Variants in KHDRBS2 observed in about 807,000 individuals in gnomAD.
KHDRBS2 encodes the protein KH RNA binding domain containing, signal transduction associated 2.
A neutral mutation model predicts 44.3 loss-of-function variants in KHDRBS2; 26 were observed. The observed-to-expected ratio is 0.59, with a 90% confidence interval of 0.43 to 0.81. KHDRBS2 has a LOEUF of 0.81. Among genes scored for constraint, KHDRBS2 ranks in the 40% least tolerant of loss-of-function variants. The probability of loss-of-function intolerance (pLI) is 0.00; values close to 1 mark genes in which losing one functional copy is unlikely to be tolerated. For missense variants in KHDRBS2, 476 were observed against 433.1 expected (o/e 1.10, Z -0.88); for synonymous variants, 194 against 151.1 (o/e 1.28, Z -2.08).
At chr6:61,788,033 C>T (rs184248858) in intron 6 of KHDRBS2, among the ~76,000 whole-genome samples, 5 of 151,650 alleles carry the variant, frequency 3.3e-5, no homozygotes, top group African/African-American at 1.2e-4. Context: ...AAATTGAATT[C>T]ATACATTTGT....
At chr6:61,594,189 TAA>T in the KHDRBS2 span, among the ~76,000 whole-genome samples, 1 of 151,848 alleles carries the variant, frequency 6.6e-6, no homozygotes, top group Non-Finnish European at 1.5e-5. Context: ...TTGCATAAAA[TAA>T]AAAAGTTTTC....
chr6:61,938,226 C>T (rs187814818), intron 4 of KHDRBS2, among the ~76,000 whole-genome samples: 7 of 152,140 alleles, frequency 4.6e-5, no homozygotes, highest in Non-Finnish European at 8.8e-5. Flanking sequence ...AATGTGCTAA[C>T]ATAAGATCAG....
At chr6:61,959,048 A>T (rs763111699) in intron 4 of KHDRBS2, among the ~76,000 whole-genome samples, 3 of 152,172 alleles carry the variant, frequency 2.0e-5, no homozygotes, top group African/African-American at 4.8e-5. Context: ...CTGTTCTTCA[A>T]ATGTTTTTGT....
chr6:61,896,307 C>G (rs895239985), intron 5 of KHDRBS2, among the ~76,000 whole-genome samples: 1 of 152,090 alleles, frequency 6.6e-6, no homozygotes, highest in African/African-American at 2.4e-5. Flanking sequence ...ATATGGTCAC[C>G]CTACTCTATT....
At chr6:62,047,768 G>A (rs764186693) in intron 3 of KHDRBS2, 110 bp downstream of exon 3, 1 of 712,312 alleles carries the variant, frequency 1.4e-6, no homozygotes, top group Non-Finnish European at 2.5e-6. Flanking sequence ...CCAGGAAATG[G>A]AAATCATAGG....
At chr6:61,794,903 C>T (rs1785095919) in intron 6 of KHDRBS2, among the ~76,000 whole-genome samples, 1 of 151,914 alleles carries the variant, frequency 6.6e-6, no homozygotes, top group Non-Finnish European at 1.5e-5. Flanking sequence ...CTTTGGAACG[C>T]CAAGGCAGGA....
At chr6:61,773,019 T>A (rs533520635) in intron 6 of KHDRBS2, among the ~76,000 whole-genome samples, 1 of 152,236 alleles carries the variant, frequency 6.6e-6, no homozygotes, top group Non-Finnish European at 1.5e-5. Context: ...ATGTGCCACA[T>A]TTTCTTCATC....
chr6:61,805,868 C>T (rs564093308), intron 6 of KHDRBS2, among the ~76,000 whole-genome samples: 25 of 152,100 alleles, frequency 1.6e-4, no homozygotes, highest in South Asian at 2.1e-4. Context: ...AGATTTGGTA[C>T]GGACACAGAG....
intron 1 of KHDRBS2, among the ~76,000 whole-genome samples, chr6:62,239,393 T>G (rs1277266075): frequency 6.6e-6 from 1 of 152,016 alleles, no homozygotes; most frequent in Middle Eastern, 3.2e-3. Flanking sequence ...GCCAACATGG[T>G]GAAACCCTGT....
At chr6:61,732,916 C>T in intron 6 of KHDRBS2, 152 bp from the exon 7 acceptor site, 1 of 590,640 alleles carries the variant, frequency 1.7e-6, no homozygotes, top group Non-Finnish European at 3.0e-6. Flanking sequence ...TAATGATTCT[C>T]ACATAAACTT....
chr6:61,573,256 A>G, the KHDRBS2 span, among the ~76,000 whole-genome samples: 1 of 152,194 alleles, frequency 6.6e-6, no homozygotes, highest in Non-Finnish European at 1.5e-5. Context: ...GAATATACTT[A>G]ACTAAGGAAG....
Position 62,071,277 on chromosome 6 carries a change from C to T in KHDRBS2, c.220-23283G>A, listed in dbSNP as rs541768421. Among the ~76,000 whole-genome samples, 194 of 152,066 alleles carry T rather than the reference C, an allele frequency of 1.3e-3. 1 individual carries two copies. Among genetic ancestry groups the T allele is most frequent in the Non-Finnish European group, 1.9e-4 (13 of 67,986 alleles). On this transcript the variant is annotated intron_variant, in intron 2 of 8. Coordinates refer to ENST00000281156, the MANE Select transcript of KHDRBS2 (RefSeq NM_152688.4). The stretch of plus-strand genomic sequence containing the variant: ...ATGAGTAGATTGCAAAAATTTTCTC[C>T]CATTCTGTAGGTTGCCTGTTCACTC...
chr6:61,584,606 G>T, the KHDRBS2 span, among the ~76,000 whole-genome samples: 1 of 151,590 alleles, frequency 6.6e-6, no homozygotes, highest in Non-Finnish European at 1.5e-5. Flanking sequence ...TAAGGATTTA[G>T]GCATCTACAA....
chr6:61,631,528 G>A, the KHDRBS2 span, among the ~76,000 whole-genome samples: 8 of 152,150 alleles, frequency 5.3e-5, no homozygotes, highest in Admixed American at 3.9e-4. Flanking sequence ...GTTGAATTGC[G>A]ACAAGTAATT....
intron 3 of KHDRBS2, among the ~76,000 whole-genome samples, chr6:62,027,953 T>G (rs1783672244): frequency 6.6e-6 from 1 of 152,068 alleles, no homozygotes; most frequent in Non-Finnish European, 1.5e-5. Context: ...CCCGAGGAAG[T>G]CGTTGTAGGA....
At chr6:61,807,247 T>A (rs1787310113) in intron 6 of KHDRBS2, among the ~76,000 whole-genome samples, 2 of 152,210 alleles carry the variant, frequency 1.3e-5, no homozygotes, top group South Asian at 4.1e-4. Flanking sequence ...AGTTAAGCCA[T>A]CGTGGAAAGC....
intron 2 of KHDRBS2, among the ~76,000 whole-genome samples, chr6:62,077,437 A>G (rs759900647): frequency 1.3e-5 from 2 of 152,048 alleles, no homozygotes; most frequent in Non-Finnish European, 2.9e-5. Context: ...CAGGCTAGCC[A>G]ATACTCATAT....
intron 2 of KHDRBS2, among the ~76,000 whole-genome samples, chr6:62,062,602 C>G (rs1792265640): frequency 6.7e-6 from 1 of 149,088 alleles, no homozygotes; most frequent in African/African-American, 2.5e-5. Context: ...CACAACATAC[C>G]AGAATCTCTG....
intron 6 of KHDRBS2, among the ~76,000 whole-genome samples, chr6:61,740,440 C>T (rs1464191117): frequency 2.0e-5 from 3 of 151,572 alleles, no homozygotes; most frequent in Non-Finnish European, 3.0e-5. Flanking sequence ...TATATCTAGT[C>T]GACAAAGAAG....
Sources: gnomAD v4.1 joint callset for allele counts (sites outside exome capture counted in the v4.1 genomes callset) on GRCh38, gnomAD v4.1.1 for gene constraint, MANE v1.5 for transcripts, NCBI Gene and HGNC (gene_info 2026-07-23, HGNC 2026-07-21) for gene names.